The following AFTPH variants were observed in gnomAD, a reference collection of about 807,000 sequenced individuals.
AFTPH encodes the protein aftiphilin, also known as aftiphilin protein.
A neutral mutation model predicts 72.5 loss-of-function variants in AFTPH; 7 were observed. The ratio of observed to expected loss-of-function variants is 0.10; its 90% CI spans 0.05 to 0.18. AFTPH has a LOEUF of 0.18. Among genes scored for constraint, AFTPH ranks in the 10% least tolerant of loss-of-function variants. The pLI, the probability that AFTPH is intolerant of heterozygous loss-of-function variation, is 1.00. For missense variants in AFTPH, 979 were observed against 1,060.5 expected (o/e 0.92, Z 1.07); for synonymous variants, 337 against 370.1 (o/e 0.91, Z 1.03).
At chr2:64,548,534 T>C (rs948804017) in intron 1 of AFTPH, among the ~76,000 whole-genome samples, 1 of 152,112 alleles carries the variant, frequency 6.6e-6, no homozygotes, top group African/African-American at 2.4e-5. Context: ...CATTTTGTTT[T>C]AGATTTCCTT....
intron 2 of AFTPH, among the ~76,000 whole-genome samples, chr2:64,555,727 G>A (rs761514623): frequency 6.6e-6 from 1 of 152,202 alleles, no homozygotes; most frequent in African/African-American, 2.4e-5. Flanking sequence ...AGTTTGGGAA[G>A]AAAGTTGAAG....
intron 1 of AFTPH, among the ~76,000 whole-genome samples, chr2:64,547,397 G>A (rs1204933222): frequency 1.3e-5 from 2 of 152,180 alleles, no homozygotes; most frequent in Admixed American, 1.3e-4. Context: ...TCCCAGAAGT[G>A]ATCCTGTATT....
At chr2:64,566,775 A>T (rs967032186) in intron 2 of AFTPH, among the ~76,000 whole-genome samples, 5 of 118,814 alleles carry the variant, frequency 4.2e-5, no homozygotes, top group Admixed American at 2.3e-4. Context: ...AAAATACTTT[A>T]AAAAAAAAAA....
At chr2:64,570,185 A>G (rs1225685541) in intron 5 of AFTPH, among the ~76,000 whole-genome samples, 1 of 152,194 alleles carries the variant, frequency 6.6e-6, no homozygotes, top group East Asian at 1.9e-4. Flanking sequence ...TTTTTCAGAT[A>G]TGCCAGGTAG....
At chr2:64,586,575 GC>G (rs1452496898) in intron 8 of AFTPH, among the ~76,000 whole-genome samples, 1 of 151,800 alleles carries the variant, frequency 6.6e-6, no homozygotes, top group African/African-American at 2.4e-5. Context: ...TTTTCTTATT[GC>G]CTTTAATATT....
chr2:64,563,627 T>A (rs1671869194), intron 2 of AFTPH, among the ~76,000 whole-genome samples: 1 of 152,226 alleles, frequency 6.6e-6, no homozygotes, highest in Non-Finnish European at 1.5e-5. Context: ...TTTTTGAATG[T>A]TTAACTTTAT....
chr2:64,576,984 C>T (rs2104147484), intron 6 of AFTPH, among the ~76,000 whole-genome samples: 1 of 152,216 alleles, frequency 6.6e-6, no homozygotes, highest in South Asian at 2.1e-4. Flanking sequence ...GTCTCAAACT[C>T]CTGACCTCAA....
intron 1 of AFTPH, among the ~76,000 whole-genome samples, chr2:64,545,570 TAAAAAAAAAAAAAAAAAAAA>T (rs58124855): frequency 0.013 from 316 of 24,176 alleles, 1 homozygote; most frequent in African/African-American, 0.023. Context: ...CCACCAGCAG[TAAAAAAAAAAAAAAAAAAAA>T]AAAAAAAAAA....
At position 64,546,189 on chromosome 2, in the gene AFTPH, A is replaced by G. The variant is rs539458945; in HGVS notation, c.-32-5254A>G. Among the ~76,000 whole-genome samples the G allele has an allele frequency of 3.7e-3, 478 of 130,394 alleles. 2 individuals are homozygous for G. Among genetic ancestry groups the G allele is most frequent in the Non-Finnish European group, 5.8e-3 (355 of 60,998 alleles). The allele number at this position is 130,394 out of a possible 152,430, so 85.5% of individuals were successfully genotyped here. ...ATTACAGGCGTGAGCCACTGCACCC[A>G]GCCCTTTTTTTTTTAATGGTAACAA... is the stretch of plus-strand genomic sequence containing the variant. On this transcript the variant is annotated intron_variant, in intron 1 of 8. Coordinates refer to ENST00000238856, the Ensembl canonical transcript of AFTPH.
At chr2:64,536,949 C>T (rs1238208926) in intron 1 of AFTPH, among the ~76,000 whole-genome samples, 3 of 71,004 alleles carry the variant, frequency 4.2e-5, no homozygotes, top group South Asian at 1.1e-3. Context: ...GAGACTCTGT[C>T]TCAAAAAAAA....
At chr2:64,530,929 T>A (rs1164333108) in intron 1 of AFTPH, among the ~76,000 whole-genome samples, 2 of 151,652 alleles carry the variant, frequency 1.3e-5, no homozygotes, top group African/African-American at 4.8e-5. Context: ...AGGCGTGGTG[T>A]CAGGCACTTG....
In AFTPH at chr2:64,546,616, A is replaced by G. The variant is rs560160141; in HGVS notation, c.-32-4827A>G. ...ACAATCACAAACATAAAAAGTTGCA[A>G]TGTCAATACAAATAAATTTTTTTTC... is the stretch of plus-strand genomic sequence containing the variant. On this transcript the variant is annotated intron_variant, in intron 1 of 8. Coordinates refer to ENST00000238856, the Ensembl canonical transcript of AFTPH. Among the ~76,000 whole-genome samples, 49 of 152,262 alleles carry G rather than the reference A, an allele frequency of 3.2e-4. 1 individual carries two copies. The South Asian group carries it at 5.6e-3, about 17-fold the overall frequency.
intron 8 of AFTPH, among the ~76,000 whole-genome samples, chr2:64,588,075 A>G (rs1673613099): frequency 6.6e-6 from 1 of 152,152 alleles, no homozygotes; most frequent in Non-Finnish European, 1.5e-5. Context: ...TATCACCCCA[A>G]AAAGAAACCC....
At chr2:64,551,489 C>A in exon 2 of AFTPH, 1 of 1,613,308 alleles carries the variant, frequency 6.2e-7, no homozygotes, top group South Asian at 1.1e-5. Flanking sequence ...AGCCAGACAT[C>A]ATTCGAATGT....
chr2:64,546,616 A>C (rs560160141), intron 1 of AFTPH, among the ~76,000 whole-genome samples: 1 of 152,144 alleles, frequency 6.6e-6, no homozygotes, highest in Non-Finnish European at 1.5e-5. Context: ...AAAAGTTGCA[A>C]TGTCAATACA....
intron 7 of AFTPH, 79 bp downstream of exon 8, chr2:64,581,352 G>T: frequency 8.5e-7 from 1 of 1,176,682 alleles, no homozygotes; most frequent in Non-Finnish European, 1.2e-6. Context: ...CTATAAACAA[G>T]GAAACAAGTA....
chr2:64,585,068 T>A (rs60936550), intron 7 of AFTPH, among the ~76,000 whole-genome samples: 1,793 of 152,298 alleles, frequency 0.012, 43 homozygotes, highest in African/African-American at 0.041. Flanking sequence ...TCATGTGCAT[T>A]CTATTTATAA....
intron 6 of AFTPH, among the ~76,000 whole-genome samples, chr2:64,575,094 C>A (rs1672680963): frequency 6.7e-6 from 1 of 150,368 alleles, no homozygotes; most frequent in African/African-American, 2.4e-5. Flanking sequence ...TAAACTATTG[C>A]TTATTGTATC....
At chr2:64,552,497 T>A (rs1170317583) in exon 2 of AFTPH, 1 of 1,614,156 alleles carries the variant, frequency 6.2e-7, no homozygotes, top group East Asian at 2.2e-5. Context: ...TAGACTCAGC[T>A]GATAATTCAG....
Sources: allele counts gnomAD v4.1 joint callset (sites outside exome capture counted in the v4.1 genomes callset), GRCh38; gene constraint gnomAD v4.1.1; transcripts MANE v1.5; gene names NCBI Gene and HGNC (gene_info 2026-07-23, HGNC 2026-07-21).